MPHOSPH8: variants seen among roughly 807,000 people sequenced by gnomAD.
The protein encoded by MPHOSPH8 is M-phase phosphoprotein, mpp.
In MPHOSPH8, 45 loss-of-function variants were observed where a neutral mutation model predicts 87.3. The ratio of observed to expected loss-of-function variants is 0.52; its 90% CI spans 0.41 to 0.66. The LOEUF (loss-of-function observed/expected upper bound fraction) is 0.66, where lower values mean the gene tolerates loss of function less well. Among genes scored for constraint, MPHOSPH8 ranks in the 30% least tolerant of loss-of-function variants. The pLI, the probability that MPHOSPH8 is intolerant of heterozygous loss-of-function variation, is 0.00. For synonymous variants in MPHOSPH8, 366 were observed against 376.9 expected (o/e 0.97, Z 0.33); for missense variants, 883 against 1,020.2 (o/e 0.87, Z 1.83).
rs1411634711 is a variant in MPHOSPH8 at position 19,660,543 on chromosome 13, A to T, written c.1792-1155A>T. Among the ~76,000 whole-genome samples the T allele has an allele frequency of 2.6e-5, 4 of 152,320 alleles. No homozygotes were observed. In the South Asian group the frequency reaches 8.3e-4, roughly 32 times the overall value. On this transcript the variant is annotated intron_variant, in intron 7 of 13. Transcript: ENST00000361479. ...ATTAAAATTGCATGAAATAATATAG[A>T]TTGAGAATTGACATTTACTTTTTGC...
chr13:19,646,911 G>A lies in MPHOSPH8; in HGVS notation c.838G>A (p.Glu280Lys). Residue 280 changes from glutamate (E) to lysine (K), a missense_variant, in exon 3 of 14, where the codon GAA (glutamate) becomes AAA (lysine). Physicochemically the swap from Glu to Lys is moderately conservative, Grantham distance 56 (BLOSUM62 1). Transcript: ENST00000361479. The stretch of plus-strand genomic sequence containing the variant: ...TTCTCCCTTTCCAGAGGATGACAGT[G>A]AAGGGCTACATTCCGACAGCAGAGA... ...NDSPFPEDDS[E>K]GLHSDSREEK... The A allele has an allele frequency of 6.2e-7, 1 of 1,603,402 alleles. No homozygotes were observed. The highest frequency in any genetic ancestry group is 8.5e-7 in the Non-Finnish European group (1 of 1,177,650).
chr13:19,663,162 A>G lies in MPHOSPH8; in HGVS notation c.2019+36A>G, dbSNP rs114457648. ...CCTGCAGGTCATCCCTTTCTTCACT[A>G]CGTTGGCAGGTGCTCGTGTTGGCAT... On this transcript the variant is annotated intron_variant, in intron 9 of 13. Transcript: ENST00000361479. 1.4e-4 allele frequency: 222 copies of G among 1,556,900 alleles called. 1 individual carries two copies. In the African/African-American group the frequency reaches 2.7e-3, roughly 19 times the overall value.
chr13:19,668,940 G>A (rs886673962), intron 11 of MPHOSPH8, among the ~76,000 whole-genome samples: 3 of 152,174 alleles, frequency 2.0e-5, no homozygotes, highest in African/African-American at 7.2e-5. Context: ...TCTAGCCTCT[G>A]CTCGACAGAC....
At chr13:19,635,830 C>T (rs1175105862) in intron 1 of MPHOSPH8, among the ~76,000 whole-genome samples, 1 of 152,078 alleles carries the variant, frequency 6.6e-6, no homozygotes, top group Non-Finnish European at 1.5e-5. Flanking sequence ...GAATTGTATT[C>T]CCCATAATTC....
chr13:19,644,930 T>C (rs1304138713), intron 2 of MPHOSPH8, among the ~76,000 whole-genome samples: 1 of 152,226 alleles, frequency 6.6e-6, no homozygotes, highest in Non-Finnish European at 1.5e-5. Flanking sequence ...CTTTTTGGTA[T>C]GCTTTTATTG....
At chr13:19,668,269 C>CTG (rs1875926915) in intron 10 of MPHOSPH8, 108 bp from the exon 11 acceptor site, 1 of 902,166 alleles carries the variant, frequency 1.1e-6, no homozygotes, top group Non-Finnish European at 1.7e-6. Flanking sequence ...GCAGGCAGAG[C>CTG]TGCAGGTCTT....
At chr13:19,655,342 C>T (rs1303953300) in intron 5 of MPHOSPH8, among the ~76,000 whole-genome samples, 3 of 152,028 alleles carry the variant, frequency 2.0e-5, no homozygotes, top group Non-Finnish European at 4.4e-5. Flanking sequence ...GTACTATTTG[C>T]CTATAGCCTC....
chr13:19,653,759 C>T (rs1874989702), intron 5 of MPHOSPH8, among the ~76,000 whole-genome samples: 1 of 152,088 alleles, frequency 6.6e-6, no homozygotes, highest in Non-Finnish European at 1.5e-5. Flanking sequence ...CTTCATGAAG[C>T]ATACACAAGT....
chr13:19,635,495 T>G (rs1327335103), intron 1 of MPHOSPH8, among the ~76,000 whole-genome samples: 1 of 152,158 alleles, frequency 6.6e-6, no homozygotes, highest in East Asian at 1.9e-4. Context: ...GCCACTGCCC[T>G]CCAGCCTGGG....
Position 19,652,231 on chromosome 13 carries a change from G to A in MPHOSPH8, c.1576+1971G>A, listed in dbSNP as rs59682537. Among the ~76,000 whole-genome samples, 884 of 152,288 alleles carry A rather than the reference G, an allele frequency of 5.8e-3. 10 individuals carry two copies. Among genetic ancestry groups the A allele is most frequent in the African/African-American group, 0.019 (787 of 41,562 alleles). ...TTCTGCATTTCCAACTGAGGTACCC[G>A]GTTCATCTCATTGGGACTGGTTGGA... On this transcript the variant is annotated intron_variant, in intron 5 of 13. Transcript: ENST00000361479.
chr13:19,648,397 G>A (rs776138888), intron 3 of MPHOSPH8, 25 bp from the exon 4 acceptor site: 15 of 1,448,432 alleles, frequency 1.0e-5, no homozygotes, highest in Middle Eastern at 3.8e-4. Flanking sequence ...ATCCATTCTT[G>A]TTTTGGATAT....
chr13:19,651,582 G>C (rs575008220), intron 5 of MPHOSPH8, among the ~76,000 whole-genome samples: 7 of 151,682 alleles, frequency 4.6e-5, no homozygotes, highest in African/African-American at 1.7e-4. Flanking sequence ...TATAGTCACA[G>C]CTACTCTGGA....
Position 19,646,692 on chromosome 13 carries a change from AAAG to A in MPHOSPH8, c.625_627del (p.Glu209del), listed in dbSNP as rs753089989. ...GACAAAGAAAAGAATTTCTGAAGCC[AAAG>A]AAGAACTAAAGGAGTCCAAAAAGCC... On this transcript the variant is annotated inframe_deletion, in exon 3 of 14. Transcript: ENST00000361479. 1.3e-6 allele frequency: 2 copies of A among 1,593,892 alleles called. No homozygotes were observed. The highest frequency in any genetic ancestry group is 1.4e-5 in the African/African-American group (1 of 73,274).
intron 2 of MPHOSPH8, among the ~76,000 whole-genome samples, chr13:19,642,698 AAC>A (rs1319681949): frequency 1.3e-5 from 2 of 152,132 alleles, no homozygotes; most frequent in African/African-American, 4.8e-5. Context: ...AAAAAAAAAA[AAC>A]AACTTAGAAC....
intron 9 of MPHOSPH8, among the ~76,000 whole-genome samples, chr13:19,665,418 T>C (rs1208359408): frequency 1.3e-5 from 2 of 152,200 alleles, no homozygotes; most frequent in African/African-American, 4.8e-5. Context: ...TGCCCTCGCC[T>C]GTCACTGCAG....
rs1385139010 is a variant in MPHOSPH8 at position 19,668,509 on chromosome 13, A to C, written c.2307A>C (p.Lys769Asn). Residue 769 changes from lysine (K) to asparagine (N), a missense_variant, in exon 11 of 14, where the codon AAA becomes AAC. By Grantham distance (94) the Lys-to-Asn change is moderately conservative. Coordinates refer to ENST00000361479, the MANE Select transcript of MPHOSPH8 (RefSeq NM_017520.4). The part of the protein sequence containing the change: ...GPDFSTDFNY[K>N]PPQNIPEGSG... The stretch of plus-strand genomic sequence containing the variant: ...ATTTTTCAACAGATTTCAATTACAA[A>C]CCCCCACAGAACATACCAGAAGGTA... 24 of 1,613,562 alleles carry C rather than the reference A, an allele frequency of 1.5e-5. No individual in the cohort carries two copies. The highest frequency in any genetic ancestry group is 4.4e-5 in the South Asian group (4 of 91,022).
chr13:19,637,384 C>T (rs998621672), intron 1 of MPHOSPH8, among the ~76,000 whole-genome samples: 1 of 152,130 alleles, frequency 6.6e-6, no homozygotes, highest in Non-Finnish European at 1.5e-5. Flanking sequence ...CCCAGATTCT[C>T]TAGTTGTTAA....
At chr13:19,663,678 G>GTCTGGTTGGTTCCTC (rs1040375821) in intron 9 of MPHOSPH8, among the ~76,000 whole-genome samples, 1 of 152,210 alleles carries the variant, frequency 6.6e-6, no homozygotes, top group African/African-American at 2.4e-5. Context: ...GCCCTGCCAG[G>GTCTGGTTGGTTCCTC]TCTGGTTGGT....
At chr13:19,634,381 T>C (rs1015925320) in intron 1 of MPHOSPH8, among the ~76,000 whole-genome samples, 2 of 152,148 alleles carry the variant, frequency 1.3e-5, no homozygotes, top group African/African-American at 4.8e-5. Context: ...TCTTCCGGAA[T>C]TTTCATTTGC....
Sources: gnomAD v4.1 joint callset for allele counts (sites outside exome capture counted in the v4.1 genomes callset) on GRCh38, gnomAD v4.1.1 for gene constraint, MANE v1.5 for transcripts, NCBI Gene and HGNC (gene_info 2026-07-23, HGNC 2026-07-21) for gene names.